CBX1: variants seen among roughly 807,000 people sequenced by gnomAD.
CBX1 encodes chromobox 1.
CBX1 carries 10 observed loss-of-function variants against 25.1 expected under a neutral mutation model. The ratio of observed to expected loss-of-function variants is 0.40; its 90% confidence interval spans 0.25 to 0.68. CBX1 has a LOEUF of 0.68. Ranked by LOEUF, CBX1 falls within the 30% of genes least tolerant of loss-of-function variation. The probability of loss-of-function intolerance (pLI) is 0.40; values close to 1 mark genes in which losing one functional copy is unlikely to be tolerated. For missense variants in CBX1, 106 were observed against 218.5 expected, an observed-to-expected ratio of 0.49 and a Z score of 3.25; for synonymous variants, 63 against 79.4, an observed-to-expected ratio of 0.79 and a Z score of 1.10.
At chr17:48,100,635 G>C (rs1477356606) in intron 1 of CBX1, 4 of 752,420 alleles carry the variant, frequency 5.3e-6, no homozygotes, top group Non-Finnish European at 6.5e-6. Context: ...CGGGATCTCC[G>C]CCCTACTTAT....
At chr17:48,079,957 T>C (rs1304378650) in intron 1 of CBX1, among the ~76,000 whole-genome samples, 2 of 152,170 alleles carry the variant, frequency 1.3e-5, no homozygotes, top group African/African-American at 2.4e-5. Context: ...AAATACATCA[T>C]CAAGCTAGGT....
chr17:48,080,967 TATATATATATATATATATATATATATAA>T (rs2037731237), intron 1 of CBX1, among the ~76,000 whole-genome samples: 3 of 60,800 alleles, frequency 4.9e-5, no homozygotes, highest in African/African-American at 2.5e-4. Flanking sequence ...TATATATATA[TATATATATATATATATATATATATATAA>T]AATTTGTCTT....
At chr17:48,079,930 G>A (rs2037715098) in intron 1 of CBX1, among the ~76,000 whole-genome samples, 2 of 152,172 alleles carry the variant, frequency 1.3e-5, no homozygotes, top group South Asian at 4.1e-4. Flanking sequence ...AATAGAATCT[G>A]AGTTTACTCC....
In CBX1 at chr17:48,071,146, A is replaced by G. The variant is rs2037621557; in HGVS notation, c.*289T>C. The G allele has an allele frequency of 3.9e-6, 1 of 253,238 alleles. No homozygotes were observed. The highest frequency in any genetic ancestry group is 1.1e-4 in the South Asian group (1 of 9,152). The allele number at this position is 253,238 out of a possible 1,614,324, so 15.7% of individuals were successfully genotyped here. ...ATTTTTTTGCTCTCCCACACACCCA[A>G]TTCTGCAAGTTTTGTCCTTCATAGA... On this transcript the variant is annotated 3_prime_UTR_variant, in exon 5 of 5. Coordinates refer to ENST00000225603, the MANE Select transcript of CBX1 (RefSeq NM_001127228.2).
rs1235808250 is a variant in CBX1, at chr17:48,080,334, G to C, written c.-37-3293C>G. 2.2e-4 allele frequency among the ~76,000 whole-genome samples: 33 copies of C among 151,972 alleles called. 1 individual carries two copies. The highest frequency in any genetic ancestry group is 4.4e-5 in the Non-Finnish European group (3 of 68,008). Reference sequence around the variant, plus strand: ...TTAACAGGCATGAGCTACCGTGCCCGGACCCAACTCTTTGACTTCTGACAG... The same window carrying C: ...TTAACAGGCATGAGCTACCGTGCCCCGACCCAACTCTTTGACTTCTGACAG... On this transcript the variant is annotated intron_variant, in intron 1 of 4. Coordinates refer to ENST00000225603, the MANE Select transcript of CBX1 (RefSeq NM_001127228.2).
intron 1 of CBX1, chr17:48,088,889 T>C (rs2063327603): frequency 6.6e-6 from 1 of 151,066 alleles, no homozygotes. Context: ...TCCTTTATTA[T>C]AATGAAGAAT....
At chr17:48,085,389 C>T (rs1475914258) in intron 1 of CBX1, among the ~76,000 whole-genome samples, 3 of 152,094 alleles carry the variant, frequency 2.0e-5, no homozygotes, top group African/African-American at 7.2e-5. Context: ...CTGTTGAACA[C>T]ATAAAACTAG....
intron 1 of CBX1, among the ~76,000 whole-genome samples, chr17:48,087,612 G>T (rs1444310092): frequency 2.0e-5 from 3 of 152,028 alleles, no homozygotes; most frequent in African/African-American, 7.2e-5. Flanking sequence ...AGTGGCTCAT[G>T]CCTGTAACCC....
chr17:48,074,783 C>A, intron 4 of CBX1: 1 of 493,234 alleles, frequency 2.0e-6, no homozygotes, highest in Non-Finnish European at 3.7e-6. Flanking sequence ...TGTCTCCCAC[C>A]TCCTAAAAAT....
In CBX1 at chr17:48,071,469, G is replaced by A. The variant is rs373324667; in HGVS notation, c.524C>T (p.Ser175Leu). The change falls in exon 5 of 5, where the codon TCG becomes TTG. Residue 175 changes from serine (S) to leucine (L), a missense_variant. Physicochemically the swap from Ser to Leu is moderately radical, Grantham distance 145. This residue lies in a region of CBX1 where 71 missense variants were observed against 144.1 expected (regional missense o/e 0.49). Coordinates refer to ENST00000225603, the MANE Select transcript of CBX1 (RefSeq NM_001127228.2). ...EERLTWHSYP[S>L]EDDDKKDDKN is the part of the protein sequence containing the mutation. ...GTCATCTTTTTTGTCATCATCCTCC[G>A]AGGGGTAGGAATGCCACGTCAGCCT... 4 of 1,612,782 alleles carry A rather than the reference G, an allele frequency of 2.5e-6. No homozygotes were observed. The highest frequency in any genetic ancestry group is 3.4e-6 in the Non-Finnish European group (4 of 1,179,546).
intron 1 of CBX1, among the ~76,000 whole-genome samples, chr17:48,084,952 A>G (rs900655242): frequency 2.6e-5 from 4 of 152,128 alleles, no homozygotes; most frequent in African/African-American, 9.6e-5. Context: ...AAGAGTTACT[A>G]GTTGAAGCTA....
intron 1 of CBX1, chr17:48,096,508 A>C: frequency 1.5e-5 from 5 of 335,956 alleles, no homozygotes; most frequent in African/African-American, 2.2e-5. Flanking sequence ...ATGGTGGCTC[A>C]CACCTGCAAT....
At chr17:48,100,750 C>T (rs2063404464) in intron 1 of CBX1, 1 of 985,584 alleles carries the variant, frequency 1.0e-6, no homozygotes, top group Non-Finnish European at 1.2e-6. Context: ...CTCCAATCAG[C>T]ACACCTTGTG....
intron 1 of CBX1, among the ~76,000 whole-genome samples, chr17:48,093,126 C>G (rs1196818800): frequency 1.4e-5 from 2 of 143,176 alleles, no homozygotes; most frequent in African/African-American, 2.7e-5. Flanking sequence ...ATTAGTTGGG[C>G]ATGATGGCAG....
chr17:48,075,884 C>T (rs1424562630), intron 3 of CBX1, 117 bp downstream of exon 3: 6 of 721,140 alleles, frequency 8.3e-6, no homozygotes, highest in Non-Finnish European at 1.1e-5. Context: ...CATTAGCCTA[C>T]CTAAGATTTC....
intron 4 of CBX1, among the ~76,000 whole-genome samples, chr17:48,073,597 T>TG (rs948350438): frequency 3.3e-5 from 5 of 151,982 alleles, no homozygotes; most frequent in Admixed American, 3.3e-4. Flanking sequence ...GAGGCTGAGG[T>TG]GGGTGGATCA....
At chr17:48,080,327 C>T (rs1349052102) in intron 1 of CBX1, among the ~76,000 whole-genome samples, 7 of 152,114 alleles carry the variant, frequency 4.6e-5, no homozygotes, top group Non-Finnish European at 1.0e-4. Context: ...CATGAGCTAC[C>T]GTGCCCGGAC....
chr17:48,097,552 G>A (rs1341878457), intron 1 of CBX1, among the ~76,000 whole-genome samples: 2 of 151,604 alleles, frequency 1.3e-5, no homozygotes, highest in African/African-American at 2.4e-5. Context: ...GGGAGGCGGA[G>A]GTTGCAGTGA....
intron 1 of CBX1, chr17:48,095,841 T>C (rs901764681): frequency 6.6e-6 from 1 of 152,236 alleles, no homozygotes; most frequent in Non-Finnish European, 1.5e-5. Flanking sequence ...AAAACTTGAC[T>C]AAGCAGAAAA....
Sources: gnomAD v4.1 joint callset for allele counts (sites outside exome capture counted in the v4.1 genomes callset) on GRCh38, gnomAD v4.1.1 for gene constraint, gnomAD v4.1.1 regional missense constraint, MANE v1.5 for transcripts, NCBI Gene and HGNC (gene_info 2026-07-23, HGNC 2026-07-21) for gene names.